Variants in ADD1 observed in about 807,000 individuals in gnomAD.
ADD1 encodes the protein alpha-adducin.
In ADD1, 24 loss-of-function variants were observed where a neutral mutation model predicts 80.5. That is an observed-to-expected ratio of 0.30 (90% CI 0.22 to 0.42). The LOEUF (loss-of-function observed/expected upper bound fraction) is 0.42. Among genes scored for constraint, ADD1 ranks in the 10% least tolerant of loss-of-function variants. The probability of loss-of-function intolerance (pLI) is 1.00; values close to 1 mark genes in which losing one functional copy is unlikely to be tolerated. For synonymous variants in ADD1, 373 were observed against 393.8 expected (o/e 0.95, Z 0.63); for missense variants, 948 against 1,019.0 (o/e 0.93, Z 0.95).
chr4:2,903,322 C>T (rs1044920460), intron 9 of ADD1, among the ~76,000 whole-genome samples: 4 of 152,180 alleles, frequency 2.6e-5, no homozygotes, highest in South Asian at 4.2e-4. Flanking sequence ...CAGCATCCCC[C>T]GTATTACCTC....
rs1288215181 is a variant in ADD1, at chr4:2,929,974, A to G, written c.*1451A>G. The G allele has an allele frequency of 6.6e-6, 1 of 152,582 alleles. No individual in the cohort carries two copies. Among genetic ancestry groups the G allele is most frequent in the Non-Finnish European group, 1.5e-5 (1 of 68,048 alleles). 9.5% of individuals were successfully genotyped at this position (152,582 alleles called of 1,614,324 possible). ...GTATTACAACATGAAATATAGTTGC[A>G]TATATGGACACCGACTTGGGAGGAC... On this transcript the variant is annotated 3_prime_UTR_variant, in exon 16 of 16. Coordinates refer to ENST00000683351, the MANE Select transcript of ADD1 (RefSeq NM_001354761.2).
chr4:2,885,776 AT>A (rs541172586), intron 4 of ADD1, among the ~76,000 whole-genome samples: 3,577 of 150,556 alleles, frequency 0.024, 64 homozygotes, highest in Middle Eastern at 0.1. Flanking sequence ...CGCCTGGCTA[AT>A]TTTTTTGTAT....
intron 1 of ADD1, among the ~76,000 whole-genome samples, chr4:2,862,365 C>T (rs1011530385): frequency 6.6e-6 from 1 of 152,198 alleles, no homozygotes; most frequent in African/African-American, 2.4e-5. Flanking sequence ...CATTAGTTTT[C>T]TATTTAAAAT....
intron 4 of ADD1, among the ~76,000 whole-genome samples, chr4:2,892,052 C>T (rs148041107): frequency 2.0e-5 from 3 of 152,286 alleles, no homozygotes; most frequent in African/African-American, 7.2e-5. Flanking sequence ...ACACGGTGGG[C>T]TCTCAGCGAG....
chr4:2,861,212 G>A (rs922059456), intron 1 of ADD1, among the ~76,000 whole-genome samples: 4 of 152,162 alleles, frequency 2.6e-5, no homozygotes, highest in African/African-American at 7.2e-5. Context: ...GAGCAAGGGA[G>A]CGTGGGGGCT....
intron 1 of ADD1, among the ~76,000 whole-genome samples, chr4:2,862,211 T>A (rs931590644): frequency 1.3e-5 from 2 of 152,162 alleles, no homozygotes; most frequent in Non-Finnish European, 2.9e-5. Context: ...CAGTGACTCC[T>A]GAAAGTGGGA....
chr4:2,899,676 G>A, intron 9 of ADD1: 1 of 528,722 alleles, frequency 1.9e-6, no homozygotes, highest in East Asian at 3.7e-5. Flanking sequence ...ACTCAGTGGG[G>A]ACAAGAGCAC....
At chr4:2,923,654 G>T (rs752312842) in intron 14 of ADD1, among the ~76,000 whole-genome samples, 1 of 152,230 alleles carries the variant, frequency 6.6e-6, no homozygotes, top group Non-Finnish European at 1.5e-5. Context: ...AAGCTTCACC[G>T]GGGAGAGACC....
At chr4:2,844,145 G>A (rs1725805764) in intron 1 of ADD1, 121 bp downstream of exon 1, 1 of 145,530 alleles carries the variant, frequency 6.9e-6, no homozygotes, top group Non-Finnish European at 1.5e-5. Context: ...GGCCCGGGCA[G>A]CCTCGGGGGC....
chr4:2,888,463 C>T (rs1733761974), intron 4 of ADD1, among the ~76,000 whole-genome samples: 1 of 150,968 alleles, frequency 6.6e-6, no homozygotes, highest in African/African-American at 2.4e-5. Flanking sequence ...GTGGCCCAGG[C>T]TGGAGTGCAG....
chr4:2,905,905 C>CT (rs1736975879), intron 10 of ADD1, among the ~76,000 whole-genome samples: 1 of 152,220 alleles, frequency 6.6e-6, no homozygotes, highest in South Asian at 2.1e-4. Context: ...TAACCTACCT[C>CT]TAACAGTCCA....
At chr4:2,859,386 TATG>T (rs1436625562) in intron 1 of ADD1, among the ~76,000 whole-genome samples, 1 of 152,152 alleles carries the variant, frequency 6.6e-6, no homozygotes, top group African/African-American at 2.4e-5. Context: ...GAATGACAAA[TATG>T]ATAAAAGGGT....
chr4:2,899,365 C>G lies in ADD1; in HGVS notation c.1091C>G (p.Thr364Ser). 6.2e-7 allele frequency: 1 copy of G among 1,614,228 alleles called. No individual in the cohort carries two copies. The highest frequency in any genetic ancestry group is 8.5e-7 in the Non-Finnish European group (1 of 1,180,042). The change falls in exon 9 of 16, where the codon ACT becomes AGT. Residue 364 changes from threonine (T) to serine (S), a missense_variant. Transcript: ENST00000683351. The stretch of plus-strand genomic sequence containing the variant: ...CCAGGGTCTCCGGTAGGGGAAGGCA[C>G]TGGATCGCCTCCCAAGTGGCAGATT... ...RSPGSPVGEG[T>S]GSPPKWQIGE...
chr4:2,928,676 G>C lies in ADD1; in HGVS notation c.*153G>C, dbSNP rs1712421111. On this transcript the variant is annotated 3_prime_UTR_variant, in exon 16 of 16. Transcript: ENST00000683351. ...ACGTGACCAGCCCCGTGTAGCCCCG[G>C]GCTGACCCAGTGTGTGCTCAGCAGC... 1.3e-6 allele frequency: 1 copy of C among 769,378 alleles called. No individual in the cohort carries two copies. The allele number at this position is 769,378 out of a possible 1,614,324, so 47.7% of individuals were successfully genotyped here. A position where few individuals can be genotyped will look rare whatever the true frequency, so the allele number is the denominator to read the frequency against.
rs1187024216 is a variant in ADD1, at chr4:2,929,596, G to A, written c.*1073G>A. Reference sequence around the variant, plus strand: ...ACCGGAGGGTGACCCATTTCAGGAGGTGCCGGTACCAGCCTGACTAGGTAC... The same window carrying A: ...ACCGGAGGGTGACCCATTTCAGGAGATGCCGGTACCAGCCTGACTAGGTAC... On this transcript the variant is annotated 3_prime_UTR_variant, in exon 16 of 16. Coordinates refer to ENST00000683351, the MANE Select transcript of ADD1 (RefSeq NM_001354761.2). The A allele has an allele frequency of 6.6e-6, 1 of 152,288 alleles. No homozygotes were observed. Among genetic ancestry groups the A allele is most frequent in the Non-Finnish European group, 1.5e-5 (1 of 68,076 alleles). 9.4% of individuals were successfully genotyped at this position (152,288 alleles called of 1,614,324 possible).
intron 4 of ADD1, among the ~76,000 whole-genome samples, chr4:2,893,690 A>G (rs927139025): frequency 5.3e-5 from 8 of 152,048 alleles, no homozygotes; most frequent in African/African-American, 1.9e-4. Context: ...TGCCTTTGAC[A>G]CTAGTAGCCA....
chr4:2,858,450 A>G (rs987780519), intron 1 of ADD1, among the ~76,000 whole-genome samples: 1 of 152,246 alleles, frequency 6.6e-6, no homozygotes, highest in African/African-American at 2.4e-5. Flanking sequence ...GTGAACTGGG[A>G]TCAGAACCTG....
rs200759802 is a variant in ADD1 at position 2,928,400 on chromosome 4, C to T, written c.2277C>T (p.Val759=). 27 of 1,613,080 alleles carry T rather than the reference C, an allele frequency of 1.7e-5. No individual in the cohort carries two copies. The highest frequency in any genetic ancestry group is 6.7e-5 in the East Asian group (3 of 44,886). The change falls in exon 16 of 16, where the codon GTC becomes GTT. Residue 759 remains valine, a synonymous_variant. Coordinates refer to ENST00000683351, the MANE Select transcript of ADD1 (RefSeq NM_001354761.2). ...CTGAAGAGGCTGCCCCCTCAGCTGT[C>T]GAGGAGGGGGCCGCCGCGGACCCTG... The part of the protein sequence containing the change: ...PVAEEAAPSA[V]EEGAAADPGS...
chr4:2,879,086 C>T (rs184343814), intron 2 of ADD1, among the ~76,000 whole-genome samples: 3 of 152,078 alleles, frequency 2.0e-5, no homozygotes, highest in Admixed American at 6.5e-5. Context: ...AGAGGAGGTC[C>T]GAAAGCTGAG....
Sources: gnomAD v4.1 joint callset for allele counts (sites outside exome capture counted in the v4.1 genomes callset) on GRCh38, gnomAD v4.1.1 for gene constraint, MANE v1.5 for transcripts, NCBI Gene and HGNC (gene_info 2026-07-23, HGNC 2026-07-21) for gene names.